COL11A1: variants seen among roughly 807,000 people sequenced by gnomAD.
COL11A1 encodes collagen alpha-1(XI) chain.
COL11A1 carries 74 observed loss-of-function variants against 265.2 expected under a neutral mutation model. The observed-to-expected ratio is 0.28, with a 90% CI of 0.23 to 0.34. The LOEUF (loss-of-function observed/expected upper bound fraction) is 0.34, where lower values mean the gene tolerates loss of function less well. Ranked by LOEUF, COL11A1 falls within the 10% of genes least tolerant of loss-of-function variation. The pLI is 1.00. For missense variants in COL11A1, 2,165 were observed against 2,263.6 expected (o/e 0.96, Z 0.88); for synonymous variants, 816 against 727.6 (o/e 1.12, Z -1.96).
chr1:103,050,247 G>A (rs1260478963), intron 4 of COL11A1, among the ~76,000 whole-genome samples: 2 of 152,158 alleles, frequency 1.3e-5, no homozygotes, highest in Admixed American at 1.3e-4. Context: ...CCAGTCAGAG[G>A]TAGATTTGGT....
chr1:103,039,412 G>A (rs953285387), intron 4 of COL11A1, among the ~76,000 whole-genome samples: 1 of 152,100 alleles, frequency 6.6e-6, no homozygotes, highest in South Asian at 2.1e-4. Flanking sequence ...CATTGTGACT[G>A]TATTTGGAGA....
intron 49 of COL11A1, among the ~76,000 whole-genome samples, chr1:102,918,951 T>C (rs1557819602): frequency 2.0e-5 from 3 of 152,016 alleles, no homozygotes; most frequent in African/African-American, 7.2e-5. Context: ...AAGCTAATAA[T>C]CCTAGAGACT....
intron 28 of COL11A1, among the ~76,000 whole-genome samples, chr1:102,991,397 C>A (rs560491711): frequency 6.6e-6 from 1 of 151,930 alleles, no homozygotes; most frequent in South Asian, 2.1e-4. Context: ...ATATCCTAAT[C>A]GTATCAAATT....
At chr1:103,061,148 T>C (rs533233722) in intron 4 of COL11A1, among the ~76,000 whole-genome samples, 7 of 152,250 alleles carry the variant, frequency 4.6e-5, no homozygotes, top group African/African-American at 1.7e-4. Flanking sequence ...CAGGGAAAAT[T>C]ATTAGAGATA....
At chr1:102,965,446 A>G in intron 38 of COL11A1, 41 bp downstream of exon 38, 1 of 1,580,378 alleles carries the variant, frequency 6.3e-7, no homozygotes, top group Non-Finnish European at 8.7e-7. Flanking sequence ...AATGTAAACA[A>G]AAAATAAATC....
Position 103,002,936 on chromosome 1 carries a change from A to G in COL11A1, c.1999-145T>C, listed in dbSNP as rs114036408. 7.4e-4 allele frequency: 627 copies of G among 846,696 alleles called. 5 individuals are homozygous for G. The African/African-American group carries it at 9.6e-3, about 13-fold the overall frequency. The allele number at this position is 846,696 out of a possible 1,614,324, so 52.4% of individuals were successfully genotyped here. A position where few individuals can be genotyped will look rare whatever the true frequency, so the allele number is the denominator to read the frequency against. The stretch of plus-strand genomic sequence containing the variant: ...GATTTAATGGAAACGAAGAAGAGAC[A>G]AGACCTATACTTTCTTTTCCATGTC... On this transcript the variant is annotated intron_variant, in intron 21 of 66. Transcript: ENST00000370096.
In COL11A1 at chr1:103,003,213, A is replaced by G. The variant is rs771097368; in HGVS notation, c.1998+2T>C. 2 of 1,613,656 alleles carry G rather than the reference A, an allele frequency of 1.2e-6. No individual in the cohort carries two copies. The highest frequency in any genetic ancestry group is 1.7e-6 in the Non-Finnish European group (2 of 1,179,812). ...ATCTTCAATGTTTCCAGCAATACAT[A>G]CAGGCTGCCCTGGAGCTCCTGGAGT... On this transcript the variant is annotated splice_donor_variant, in intron 21 of 66. Coordinates refer to ENST00000370096, the MANE Select transcript of COL11A1 (RefSeq NM_001854.4). LOFTEE classifies it high-confidence loss of function.
intron 1 of COL11A1, among the ~76,000 whole-genome samples, chr1:103,091,225 C>T (rs991480596): frequency 1.8e-4 from 27 of 152,012 alleles, no homozygotes; most frequent in African/African-American, 6.5e-4. Flanking sequence ...AGACCCTTTC[C>T]TCTGACACTG....
At chr1:102,936,897 T>C (rs1282731669) in intron 44 of COL11A1, among the ~76,000 whole-genome samples, 1 of 152,100 alleles carries the variant, frequency 6.6e-6, no homozygotes, top group Non-Finnish European at 1.5e-5. Flanking sequence ...GTACTGAAAA[T>C]GCCCCTCCCT....
intron 46 of COL11A1, among the ~76,000 whole-genome samples, chr1:102,928,143 A>T (rs971466656): frequency 6.6e-6 from 1 of 151,914 alleles, no homozygotes; most frequent in African/African-American, 2.4e-5. Context: ...GTACATGTGC[A>T]CATTGTGCAG....
chr1:102,880,002 G>A, intron 65 of COL11A1, 86 bp from the exon 66 acceptor site: 1 of 888,664 alleles, frequency 1.1e-6, no homozygotes, highest in Non-Finnish European at 1.8e-6. Context: ...ACAGTGAACT[G>A]TGATGCCAGA....
intron 14 of COL11A1, among the ~76,000 whole-genome samples, chr1:103,010,826 G>T (rs188728084): frequency 1.3e-5 from 2 of 151,512 alleles, no homozygotes; most frequent in African/African-American, 4.9e-5. Context: ...TCAGCCTCCC[G>T]AGTAGCTGGG....
At position 103,089,275 on chromosome 1, in the gene COL11A1, C is replaced by A. The variant is rs1042955379; in HGVS notation, c.107-6303G>T. The stretch of plus-strand genomic sequence containing the variant: ...CTCGGTGGCTTCAGACCTAGTCAAC[C>A]TTTTAGTGTAAACCTAAGCATGACT... On this transcript the variant is annotated intron_variant, in intron 1 of 66. Coordinates refer to ENST00000370096, the MANE Select transcript of COL11A1 (RefSeq NM_001854.4). Among the ~76,000 whole-genome samples, 12 of 152,210 alleles carry A rather than the reference C, an allele frequency of 7.9e-5. No individual in the cohort carries two copies. The South Asian group carries it at 8.3e-4, about 11-fold the overall frequency.
chr1:102,974,987 GCTT>G (rs1408694683), intron 35 of COL11A1, 104 bp from the exon 36 acceptor site: 6 of 830,324 alleles, frequency 7.2e-6, no homozygotes, highest in Non-Finnish European at 6.2e-6. Flanking sequence ...GTATCATACA[GCTT>G]CTTCATCACA....
chr1:102,934,220 C>T (rs1035077617), intron 46 of COL11A1, among the ~76,000 whole-genome samples: 1 of 152,060 alleles, frequency 6.6e-6, no homozygotes, highest in Non-Finnish European at 1.5e-5. Context: ...TAAAAATACT[C>T]CAGAATCAGG....
intron 4 of COL11A1, among the ~76,000 whole-genome samples, chr1:103,042,599 AG>A (rs1317628581): frequency 6.6e-6 from 1 of 152,042 alleles, no homozygotes; most frequent in African/African-American, 2.4e-5. Flanking sequence ...GAAGGGAAAA[AG>A]GTTGGCATTG....
chr1:102,990,593 G>T (rs1201497967), intron 28 of COL11A1, among the ~76,000 whole-genome samples: 1 of 151,790 alleles, frequency 6.6e-6, no homozygotes, highest in Non-Finnish European at 1.5e-5. Context: ...TAAGTAAGTT[G>T]CATAAACAAC....
At chr1:103,045,643 GT>G (rs1394556360) in intron 4 of COL11A1, among the ~76,000 whole-genome samples, 3 of 151,744 alleles carry the variant, frequency 2.0e-5, no homozygotes, top group South Asian at 2.1e-4. Context: ...TATACTTTAA[GT>G]TTTAGGGTAC....
chr1:103,062,886 G>A lies in COL11A1; in HGVS notation c.651+11732C>T, dbSNP rs142388775. Among the ~76,000 whole-genome samples the A allele has an allele frequency of 5.7e-4, 87 of 151,992 alleles. 1 individual carries two copies. In the East Asian group the frequency reaches 0.011, roughly 20 times the overall value. ...AAAAAATTGGAAATAATAAATGATT[G>A]TTACAAGGTTGTGTATACAAGGTAT... On this transcript the variant is annotated intron_variant, in intron 4 of 66. Transcript: ENST00000370096.
Sources: gnomAD v4.1 joint callset for allele counts (sites outside exome capture counted in the v4.1 genomes callset) on GRCh38, gnomAD v4.1.1 for gene constraint, MANE v1.5 for transcripts, NCBI Gene and HGNC (gene_info 2026-07-23, HGNC 2026-07-21) for gene names.